Variants in MAML2 observed in about 807,000 individuals in gnomAD.
MAML2 encodes the protein mastermind like transcriptional coactivator 2.
Under a neutral mutation model 96.1 loss-of-function variants are expected in MAML2, and 22 were observed. That is an observed-to-expected ratio of 0.23 (90% CI 0.16 to 0.33). MAML2 has a LOEUF of 0.33. MAML2 is among the 10% of genes least tolerant of loss of function. The pLI, the probability that MAML2 is intolerant of heterozygous loss-of-function variation, is 1.00. For synonymous variants in MAML2, 561 were observed against 521.3 expected (o/e 1.08, Z -1.04); for missense variants, 1,367 against 1,392.4 (o/e 0.98, Z 0.29).
intron 1 of MAML2, among the ~76,000 whole-genome samples, chr11:96,179,968 T>A (rs12365721): frequency 0.26 from 38,983 of 152,102 alleles, 5,315 homozygotes; most frequent in East Asian, 0.49. Context: ...CAGAAAAGGA[T>A]AGTAGGGAAA....
At chr11:96,022,339 C>T (rs1458905378) in intron 2 of MAML2, among the ~76,000 whole-genome samples, 2 of 152,194 alleles carry the variant, frequency 1.3e-5, no homozygotes, top group Non-Finnish European at 2.9e-5. Flanking sequence ...TCCTGCCTTT[C>T]TCATTATGCC....
At chr11:96,291,035 G>T (rs537805886) in intron 1 of MAML2, among the ~76,000 whole-genome samples, 1 of 144,142 alleles carries the variant, frequency 6.9e-6, no homozygotes, top group East Asian at 2.2e-4. Context: ...TTGAAAAAAA[G>T]TTGGTAAATA....
chr11:96,206,998 C>T (rs2135935339), intron 1 of MAML2, among the ~76,000 whole-genome samples: 1 of 152,328 alleles, frequency 6.6e-6, no homozygotes, highest in East Asian at 1.9e-4. Context: ...GCCCAACCTC[C>T]TGCAAAAACG....
In MAML2 at chr11:95,979,133, C is replaced by T. The variant is rs1857691525; in HGVS notation, c.3286G>A (p.Ala1096Thr). 6.2e-7 allele frequency: 1 copy of T among 1,613,932 alleles called. No homozygotes were observed. Among genetic ancestry groups the T allele is most frequent in the African/African-American group, 1.3e-5 (1 of 75,034 alleles). The change falls in exon 5 of 5, where the codon GCT becomes ACT. Residue 1096 changes from alanine to threonine, a missense_variant. By Grantham distance (58) the Ala-to-Thr change is moderately conservative. Coordinates refer to ENST00000524717, the MANE Select transcript of MAML2 (RefSeq NM_032427.4). ...CTGCTGTGGTCAGTTCCTTGAAAAG[C>T]CCTGGAACTTTGGTTGGGTGAAGGA... ...NFPSPNQSSR[A>T]FQGTDHSSDL...
chr11:96,171,710 C>A (rs552559632), intron 1 of MAML2, among the ~76,000 whole-genome samples: 1 of 152,290 alleles, frequency 6.6e-6, no homozygotes, highest in East Asian at 1.9e-4. Flanking sequence ...GAGCTGGAGA[C>A]AGGGTGATAG....
intron 2 of MAML2, among the ~76,000 whole-genome samples, chr11:96,055,771 G>A (rs1341322199): frequency 6.6e-6 from 1 of 152,174 alleles, no homozygotes; most frequent in Non-Finnish European, 1.5e-5. Context: ...ATCTTAGGCT[G>A]TGTTATGTGA....
chr11:96,271,248 C>T (rs1862912063), intron 1 of MAML2, among the ~76,000 whole-genome samples: 1 of 152,172 alleles, frequency 6.6e-6, no homozygotes, highest in South Asian at 2.1e-4. Context: ...ATAAACTCCC[C>T]TTCAGGTATA....
At chr11:96,097,264 C>G (rs1859846431) in intron 1 of MAML2, among the ~76,000 whole-genome samples, 1 of 152,134 alleles carries the variant, frequency 6.6e-6, no homozygotes, top group Non-Finnish European at 1.5e-5. Context: ...AAATTCAAAG[C>G]CAACTTACCA....
chr11:96,165,275 A>G (rs1399218639), intron 1 of MAML2, among the ~76,000 whole-genome samples: 4 of 152,214 alleles, frequency 2.6e-5, no homozygotes, highest in Non-Finnish European at 5.9e-5. Context: ...TTGTTAAAAC[A>G]CAGAGTGCTG....
At chr11:96,072,986 A>T (rs929792554) in intron 2 of MAML2, among the ~76,000 whole-genome samples, 10 of 152,192 alleles carry the variant, frequency 6.6e-5, no homozygotes, top group Admixed American at 6.5e-4. Context: ...CAAACTATTG[A>T]TAATCATAAA....
intron 1 of MAML2, among the ~76,000 whole-genome samples, chr11:96,188,820 A>T (rs530798443): frequency 6.6e-6 from 1 of 152,138 alleles, no homozygotes; most frequent in East Asian, 1.9e-4. Flanking sequence ...AACATCTCTG[A>T]AAGGAAGTGT....
chr11:96,315,435 T>C (rs911124148), intron 1 of MAML2, among the ~76,000 whole-genome samples: 16 of 152,248 alleles, frequency 1.1e-4, no homozygotes, highest in Admixed American at 6.5e-5. Context: ...TTTTCCTATA[T>C]GCTTATCTCC....
intron 1 of MAML2, among the ~76,000 whole-genome samples, chr11:96,314,931 G>A (rs1238595524): frequency 6.6e-6 from 1 of 152,162 alleles, no homozygotes; most frequent in African/African-American, 2.4e-5. Flanking sequence ...AGCCACCAGT[G>A]AGGAATTGTA....
chr11:96,034,893 C>T (rs146299179), intron 2 of MAML2, among the ~76,000 whole-genome samples: 115 of 152,170 alleles, frequency 7.6e-4, no homozygotes, highest in African/African-American at 2.6e-3. Flanking sequence ...TCATTGTAAC[C>T]ATATGGTTTT....
chr11:96,190,534 G>A (rs2135920419), intron 1 of MAML2, among the ~76,000 whole-genome samples: 1 of 152,314 alleles, frequency 6.6e-6, no homozygotes, highest in South Asian at 2.1e-4. Context: ...CAGTCTTACA[G>A]AAGACTTTGT....
At chr11:96,047,986 T>C (rs182659740) in intron 2 of MAML2, among the ~76,000 whole-genome samples, 1 of 151,606 alleles carries the variant, frequency 6.6e-6, no homozygotes, top group Admixed American at 6.6e-5. Flanking sequence ...CTTGTTAAGT[T>C]ATGAATGAGG....
intron 1 of MAML2, among the ~76,000 whole-genome samples, chr11:96,237,925 T>A (rs1862386689): frequency 6.6e-6 from 1 of 152,244 alleles, no homozygotes; most frequent in Non-Finnish European, 1.5e-5. Context: ...AAACATCAAC[T>A]GAGCTGACTT....
intron 1 of MAML2, among the ~76,000 whole-genome samples, chr11:96,183,047 T>A (rs1861513189): frequency 6.8e-6 from 1 of 147,646 alleles, no homozygotes. Flanking sequence ...AACCTCTGCC[T>A]CCCAGGTTCA....
chr11:96,273,328 T>G (rs1328299198), intron 1 of MAML2, among the ~76,000 whole-genome samples: 1 of 151,924 alleles, frequency 6.6e-6, no homozygotes, highest in Non-Finnish European at 1.5e-5. Context: ...TGAAACGTAT[T>G]TTTTTTTAAA....
Sources: gnomAD v4.1 joint callset for allele counts (sites outside exome capture counted in the v4.1 genomes callset) on GRCh38, gnomAD v4.1.1 for gene constraint, MANE v1.5 for transcripts, NCBI Gene and HGNC (gene_info 2026-07-23, HGNC 2026-07-21) for gene names.